The following ADGRL3 variants were observed in gnomAD, a reference collection of about 807,000 sequenced individuals.
The protein encoded by ADGRL3 is adhesion G protein-coupled receptor L3, also known as calcium-independent alpha-latrotoxin receptor 3.
In ADGRL3, 62 loss-of-function variants were observed where a neutral mutation model predicts 153.5. The ratio of observed to expected loss-of-function variants is 0.40; its 90% CI spans 0.33 to 0.50. The LOEUF is 0.50. Among genes scored for constraint, ADGRL3 ranks in the 20% least tolerant of loss-of-function variants. ADGRL3 has a pLI of 0.47. For missense variants in ADGRL3, 1,641 were observed against 1,859.4 expected, an observed-to-expected ratio of 0.88 and a Z score of 2.16; for synonymous variants, 710 against 672.5, an observed-to-expected ratio of 1.06 and a Z score of -0.86.
chr4:61,963,279 A>G (rs1289580651), intron 17 of ADGRL3, among the ~76,000 whole-genome samples: 1 of 146,912 alleles, frequency 6.8e-6, no homozygotes, highest in Non-Finnish European at 1.5e-5. Context: ...CTTTCATTTT[A>G]GGTTCAGGGG....
intron 5 of ADGRL3, among the ~76,000 whole-genome samples, chr4:61,634,634 C>T (rs2093337913): frequency 6.6e-6 from 1 of 151,972 alleles, no homozygotes; most frequent in African/African-American, 2.4e-5. Flanking sequence ...GGAAGATAAA[C>T]AATTGGTGAG....
chr4:61,835,579 T>C (rs371045750), intron 9 of ADGRL3, among the ~76,000 whole-genome samples: 11 of 152,258 alleles, frequency 7.2e-5, no homozygotes, highest in East Asian at 5.8e-4. Flanking sequence ...GTAGCCAATA[T>C]TTCTGGCTTT....
chr4:61,809,557 C>T (rs996529736), intron 8 of ADGRL3, among the ~76,000 whole-genome samples: 1 of 151,988 alleles, frequency 6.6e-6, no homozygotes, highest in East Asian at 1.9e-4. Flanking sequence ...TTAAATTAGG[C>T]CTTCCTTGAG....
intron 13 of ADGRL3, among the ~76,000 whole-genome samples, chr4:61,926,767 C>T (rs911300893): frequency 6.6e-6 from 1 of 152,166 alleles, no homozygotes; most frequent in African/African-American, 2.4e-5. Context: ...TTTTCAGTGA[C>T]TATTTGTCGT....
intron 7 of ADGRL3, among the ~76,000 whole-genome samples, chr4:61,732,468 T>C (rs538768070): frequency 4.1e-4 from 62 of 152,280 alleles, no homozygotes; most frequent in African/African-American, 1.5e-3. Context: ...ACATCTGATA[T>C]ATGTTTCCAA....
At chr4:61,370,595 T>A (rs1003035395) in intron 1 of ADGRL3, among the ~76,000 whole-genome samples, 2 of 152,048 alleles carry the variant, frequency 1.3e-5, no homozygotes, top group African/African-American at 4.8e-5. Context: ...GTCTGAGAGA[T>A]AGTTTGTTAT....
intron 5 of ADGRL3, among the ~76,000 whole-genome samples, chr4:61,601,866 C>T (rs1164713544): frequency 6.6e-6 from 1 of 152,100 alleles, no homozygotes; most frequent in Non-Finnish European, 1.5e-5. Context: ...TTTCAAACTA[C>T]TATACTTAGG....
At chr4:61,397,404 A>G (rs1475105166) in intron 2 of ADGRL3, among the ~76,000 whole-genome samples, 1 of 151,914 alleles carries the variant, frequency 6.6e-6, no homozygotes, top group Non-Finnish European at 1.5e-5. Flanking sequence ...AATAGTCAAA[A>G]AGAAATGAGG....
chr4:62,065,330 T>C (rs1158896014), intron 25 of ADGRL3, among the ~76,000 whole-genome samples: 1 of 152,082 alleles, frequency 6.6e-6, no homozygotes, highest in African/African-American at 2.4e-5. Context: ...CTAAAGTGTC[T>C]CTTTATATCT....
chr4:61,325,980 C>T (rs1173111468), intron 1 of ADGRL3, among the ~76,000 whole-genome samples: 1 of 152,074 alleles, frequency 6.6e-6, no homozygotes, highest in Non-Finnish European at 1.5e-5. Flanking sequence ...AAACTGGAAC[C>T]TAGAGAGTTA....
chr4:61,880,261 T>C (rs925752763), intron 9 of ADGRL3, among the ~76,000 whole-genome samples: 12 of 152,228 alleles, frequency 7.9e-5, no homozygotes, highest in African/African-American at 2.9e-4. Context: ...TGATTCCTGT[T>C]CTTTCTTTTA....
chr4:61,222,252 T>G (rs1164977447), intron 1 of ADGRL3, among the ~76,000 whole-genome samples: 3 of 152,160 alleles, frequency 2.0e-5, no homozygotes, highest in African/African-American at 7.2e-5. Flanking sequence ...ACCTTTCTTT[T>G]AAATCTGTTG....
At chr4:61,343,091 G>T (rs2095838493) in intron 1 of ADGRL3, among the ~76,000 whole-genome samples, 1 of 152,128 alleles carries the variant, frequency 6.6e-6, no homozygotes, top group Non-Finnish European at 1.5e-5. Context: ...GAACAGTATG[G>T]AGAAACTGCC....
chr4:61,976,711 T>C (rs2099049348), intron 17 of ADGRL3, among the ~76,000 whole-genome samples: 1 of 152,174 alleles, frequency 6.6e-6, no homozygotes, highest in Non-Finnish European at 1.5e-5. Flanking sequence ...AAATTCTCTC[T>C]TGCCTGCTGC....
intron 19 of ADGRL3, among the ~76,000 whole-genome samples, chr4:61,988,090 A>G (rs999364654): frequency 6.6e-6 from 1 of 152,108 alleles, no homozygotes; most frequent in African/African-American, 2.4e-5. Flanking sequence ...ATGTTTTTCT[A>G]TGAAATGTTG....
chr4:61,343,864 T>C (rs1040069342), intron 1 of ADGRL3, among the ~76,000 whole-genome samples: 3 of 152,222 alleles, frequency 2.0e-5, no homozygotes, highest in African/African-American at 7.2e-5. Flanking sequence ...AAACACACTT[T>C]GGGAAATACT....
rs79782165 is a variant in ADGRL3 at position 61,978,303 on chromosome 4, G to A, written c.2806-1260G>A. Among the ~76,000 whole-genome samples, 23 of 147,316 alleles carry A rather than the reference G, an allele frequency of 1.6e-4. No homozygotes were observed. In the East Asian group the frequency reaches 4.5e-3, roughly 29 times the overall value. Reference sequence around the variant, plus strand: ...TCTTTTAAAATTTTGCAAAAATGCTGTCATAGTGTGTAGATCCTTTTGATG... The same window carrying A: ...TCTTTTAAAATTTTGCAAAAATGCTATCATAGTGTGTAGATCCTTTTGATG... On this transcript the variant is annotated intron_variant, in intron 17 of 26. Transcript: ENST00000683033.
chr4:61,671,691 G>A (rs1008789101), intron 5 of ADGRL3, among the ~76,000 whole-genome samples: 1 of 151,946 alleles, frequency 6.6e-6, no homozygotes, highest in African/African-American at 2.4e-5. Context: ...TGAATTCTGG[G>A]GCACTCAGAT....
chr4:61,598,634 A>G (rs555268997), intron 5 of ADGRL3, among the ~76,000 whole-genome samples: 2 of 152,310 alleles, frequency 1.3e-5, no homozygotes, highest in African/African-American at 2.4e-5. Flanking sequence ...GTTGGCATCC[A>G]TGTGAACACA....
Sources: allele counts gnomAD v4.1 joint callset (sites outside exome capture counted in the v4.1 genomes callset), GRCh38; gene constraint gnomAD v4.1.1; transcripts MANE v1.5; gene names NCBI Gene and HGNC (gene_info 2026-07-23, HGNC 2026-07-21).